Variants in EPHA6 observed in about 807,000 individuals in gnomAD.
EPHA6 encodes EPH receptor A6.
EPHA6 carries 50 observed loss-of-function variants against 112.0 expected under a neutral mutation model. The observed-to-expected ratio is 0.45, with a 90% confidence interval of 0.36 to 0.56. EPHA6 has a LOEUF of 0.56. EPHA6 is among the 20% of genes least tolerant of loss of function. The probability of loss-of-function intolerance (pLI) is 0.00; values close to 1 mark genes in which losing one functional copy is unlikely to be tolerated. For missense variants in EPHA6, 1,280 were observed against 1,417.4 expected (o/e 0.90, Z 1.56); for synonymous variants, 529 against 490.7 (o/e 1.08, Z -1.03).
intron 3 of EPHA6, among the ~76,000 whole-genome samples, chr3:97,044,475 C>T (rs527791246): frequency 6.6e-6 from 1 of 152,252 alleles, no homozygotes; most frequent in African/African-American, 2.4e-5. Context: ...CTACAACTTT[C>T]TTAAGGTGAA....
chr3:96,880,748 C>T (rs1045291560), intron 2 of EPHA6, among the ~76,000 whole-genome samples: 10 of 152,116 alleles, frequency 6.6e-5, no homozygotes, highest in African/African-American at 2.4e-4. Context: ...GTGGATTCAC[C>T]TATTCTGTGT....
At chr3:97,716,096 A>C (rs1004071737) in intron 14 of EPHA6, among the ~76,000 whole-genome samples, 1 of 152,198 alleles carries the variant, frequency 6.6e-6, no homozygotes, top group Non-Finnish European at 1.5e-5. Flanking sequence ...TGTGATTTCA[A>C]ATCTAAAGTA....
At chr3:97,265,307 A>G (rs1374227393) in intron 5 of EPHA6, among the ~76,000 whole-genome samples, 1 of 152,146 alleles carries the variant, frequency 6.6e-6, no homozygotes, top group Non-Finnish European at 1.5e-5. Flanking sequence ...GCCGTCCTCC[A>G]TGGCTCCCAG....
intron 5 of EPHA6, among the ~76,000 whole-genome samples, chr3:97,372,119 A>T (rs963201859): frequency 4.6e-5 from 7 of 151,972 alleles, no homozygotes; most frequent in African/African-American, 1.7e-4. Context: ...CCCACACCCT[A>T]TTCGTACACT....
chr3:96,855,277 T>A (rs1336205271), intron 1 of EPHA6, among the ~76,000 whole-genome samples: 1 of 152,168 alleles, frequency 6.6e-6, no homozygotes, highest in African/African-American at 2.4e-5. Context: ...GTTAATTCCA[T>A]CTGCAACCTT....
intron 7 of EPHA6, among the ~76,000 whole-genome samples, chr3:97,458,910 C>T (rs2090789365): frequency 6.6e-6 from 1 of 152,136 alleles, no homozygotes; most frequent in Admixed American, 6.5e-5. Context: ...TAAACCAGTT[C>T]CCTGCTTTCA....
At chr3:97,169,024 G>A (rs2076618307) in intron 3 of EPHA6, among the ~76,000 whole-genome samples, 1 of 152,078 alleles carries the variant, frequency 6.6e-6, no homozygotes, top group Admixed American at 6.6e-5. Context: ...TTGTAGAGTG[G>A]CATCTTACAT....
At position 97,623,400 on chromosome 3, in the gene EPHA6, A is replaced by C. The variant is rs115386765; in HGVS notation, c.2574+12546A>C. On this transcript the variant is annotated intron_variant, in intron 13 of 17. Coordinates refer to ENST00000389672, the MANE Select transcript of EPHA6 (RefSeq NM_001080448.3). ...AATAATCTTGGCACCCTTTTCAAAA[A>C]TTATGTGACCATTGTATTAGTCCCT... Among the ~76,000 whole-genome samples, 831 of 151,836 alleles carry C rather than the reference A, an allele frequency of 5.5e-3. 6 individuals carry two copies. The highest frequency in any genetic ancestry group is 0.018 in the African/African-American group (761 of 41,500).
intron 2 of EPHA6, among the ~76,000 whole-genome samples, chr3:96,868,193 AGT>A (rs35241894): frequency 0.015 from 2,255 of 147,870 alleles, 56 homozygotes; most frequent in African/African-American, 0.05. Context: ...AGAGAGACAG[AGT>A]GTGTGTGTGT....
In EPHA6 at chr3:97,759,411, G is replaced by A. The variant is rs1366783902; in HGVS notation, c.*10710G>A. ...TGATGTAAAGGGAGCAAGAGAAATA[G>A]GATAATAGCTGGAGAAAGGAAGTCA... On this transcript the variant is annotated 3_prime_UTR_variant, in exon 18 of 18. Coordinates refer to ENST00000389672, the MANE Select transcript of EPHA6 (RefSeq NM_001080448.3). The A allele has an allele frequency of 4.4e-6, 1 of 226,052 alleles. No individual in the cohort carries two copies. Among genetic ancestry groups the A allele is most frequent in the Admixed American group, 5.7e-5 (1 of 17,526 alleles). The allele number at this position is 226,052 out of a possible 1,614,324, so 14.0% of individuals were successfully genotyped here. A position where few individuals can be genotyped will look rare whatever the true frequency, so the allele number is the denominator to read the frequency against.
chr3:97,094,646 AAG>A (rs1251232469), intron 3 of EPHA6, among the ~76,000 whole-genome samples: 18 of 152,268 alleles, frequency 1.2e-4, no homozygotes, highest in South Asian at 1.0e-3. Flanking sequence ...ATAAACAAGA[AAG>A]AGGGGAAAAT....
At position 96,847,628 on chromosome 3, in the gene EPHA6, T is replaced by C. The variant is rs868592798; in HGVS notation, c.386-19197T>C. 9.2e-5 allele frequency among the ~76,000 whole-genome samples: 14 copies of C among 152,272 alleles called. No individual in the cohort carries two copies. The Middle Eastern group carries it at 0.014, about 148-fold the overall frequency. On this transcript the variant is annotated intron_variant, in intron 1 of 17. Transcript: ENST00000389672. Reference sequence around the variant, plus strand: ...AAACATTTAAAAAGATTCTTTAGATTCTAGGGTTGTAATCTTTAAGAAGAG... The same window carrying C: ...AAACATTTAAAAAGATTCTTTAGATCCTAGGGTTGTAATCTTTAAGAAGAG...
At chr3:96,916,628 G>T (rs1336819943) in intron 2 of EPHA6, among the ~76,000 whole-genome samples, 2 of 152,168 alleles carry the variant, frequency 1.3e-5, no homozygotes, top group Non-Finnish European at 2.9e-5. Context: ...ACAGGGCCCA[G>T]TGTGGAGTGA....
chr3:97,191,419 C>G (rs1322650330), intron 3 of EPHA6, among the ~76,000 whole-genome samples: 1 of 151,842 alleles, frequency 6.6e-6, no homozygotes, highest in Non-Finnish European at 1.5e-5. Context: ...CTTATTCATT[C>G]TAGCTAACAA....
In EPHA6 at chr3:97,722,737, T is replaced by A. The variant is rs891257839; in HGVS notation, c.2934+2327T>A. 3.9e-5 allele frequency among the ~76,000 whole-genome samples: 6 copies of A among 152,256 alleles called. No homozygotes were observed. In the East Asian group the frequency reaches 1.2e-3, roughly 29 times the overall value. The stretch of plus-strand genomic sequence containing the variant: ...AGATATTGGGTTGTTGATTTAAATA[T>A]ATATATATATTGCAAAATATATTCA... On this transcript the variant is annotated intron_variant, in intron 15 of 17. Coordinates refer to ENST00000389672, the MANE Select transcript of EPHA6 (RefSeq NM_001080448.3).
At chr3:97,434,833 T>C (rs1325457175) in intron 6 of EPHA6, among the ~76,000 whole-genome samples, 2 of 152,058 alleles carry the variant, frequency 1.3e-5, no homozygotes, top group Non-Finnish European at 2.9e-5. Flanking sequence ...GCAGAATGGC[T>C]AGGCATCATC....
At chr3:97,642,179 C>T in intron 14 of EPHA6, among the ~76,000 whole-genome samples, 2 of 109,238 alleles carry the variant, frequency 1.8e-5, no homozygotes, top group African/African-American at 7.0e-5. Flanking sequence ...AGCAGGGGCA[C>T]ACTGACACCT....
At chr3:97,601,583 A>G (rs1040975610) in intron 12 of EPHA6, among the ~76,000 whole-genome samples, 2 of 152,116 alleles carry the variant, frequency 1.3e-5, no homozygotes, top group African/African-American at 4.8e-5. Context: ...TTGGCTTTTC[A>G]TATTTATGTT....
chr3:96,979,896 T>A (rs560207055), intron 2 of EPHA6, among the ~76,000 whole-genome samples: 29 of 152,226 alleles, frequency 1.9e-4, no homozygotes, highest in Admixed American at 1.3e-3. Flanking sequence ...TTTGATGGGG[T>A]TGTTTGCTTT....
Sources: allele counts gnomAD v4.1 joint callset (sites outside exome capture counted in the v4.1 genomes callset), GRCh38; gene constraint gnomAD v4.1.1; transcripts MANE v1.5; gene names NCBI Gene and HGNC (gene_info 2026-07-23, HGNC 2026-07-21).